The following ALCAM variants were observed in gnomAD, a reference collection of about 807,000 sequenced individuals.
ALCAM encodes CD166 antigen.
In ALCAM, 30 loss-of-function variants were observed where a neutral mutation model predicts 70.9. The ratio of observed to expected loss-of-function variants is 0.42; its 90% CI spans 0.32 to 0.57. ALCAM has a LOEUF of 0.57. Among genes scored for constraint, ALCAM ranks in the 20% least tolerant of loss-of-function variants. The probability of loss-of-function intolerance (pLI) is 0.11; values close to 1 mark genes in which losing one functional copy is unlikely to be tolerated. For synonymous variants in ALCAM, 249 were observed against 242.5 expected, an observed-to-expected ratio of 1.03 and a Z score of -0.25; for missense variants, 591 against 695.1, an observed-to-expected ratio of 0.85 and a Z score of 1.68.
intron 1 of ALCAM, among the ~76,000 whole-genome samples, chr3:105,464,795 A>G (rs561882275): frequency 5.9e-5 from 9 of 151,422 alleles, no homozygotes; most frequent in Non-Finnish European, 1.2e-4. Context: ...TATGCATGCC[A>G]TCCTTGAAGA....
intron 1 of ALCAM, among the ~76,000 whole-genome samples, chr3:105,440,050 T>C (rs1199251191): frequency 6.6e-6 from 1 of 152,186 alleles, no homozygotes; most frequent in Admixed American, 6.5e-5. Flanking sequence ...TCACACGCCA[T>C]CCATTCAACA....
intron 3 of ALCAM, among the ~76,000 whole-genome samples, chr3:105,527,007 A>T (rs1216069157): frequency 6.6e-6 from 1 of 152,166 alleles, no homozygotes; most frequent in Non-Finnish European, 1.5e-5. Flanking sequence ...CTGGCAAATG[A>T]CCTTGCTATC....
At chr3:105,387,198 C>T (rs557137506) in intron 1 of ALCAM, among the ~76,000 whole-genome samples, 5 of 151,142 alleles carry the variant, frequency 3.3e-5, no homozygotes, top group African/African-American at 9.7e-5. Flanking sequence ...GAAGGGCAGG[C>T]GGAAATAGAA....
At chr3:105,436,844 A>T (rs1937061520) in intron 1 of ALCAM, among the ~76,000 whole-genome samples, 1 of 152,318 alleles carries the variant, frequency 6.6e-6, no homozygotes. Context: ...AGGAGTGATG[A>T]TGCAATGACA....
intron 2 of ALCAM, among the ~76,000 whole-genome samples, 190 bp downstream of exon 2, chr3:105,520,357 A>T (rs1939503156): frequency 6.6e-6 from 1 of 152,252 alleles, no homozygotes; most frequent in South Asian, 2.1e-4. Flanking sequence ...ATGATATTTT[A>T]AAATAAAGCC....
intron 14 of ALCAM, among the ~76,000 whole-genome samples, chr3:105,553,419 C>T (rs1182270151): frequency 6.6e-6 from 1 of 151,802 alleles, no homozygotes; most frequent in Non-Finnish European, 1.5e-5. Context: ...GGGTTTTAAA[C>T]CACCTTATCT....
At chr3:105,516,434 G>A (rs559572736) in intron 1 of ALCAM, among the ~76,000 whole-genome samples, 3 of 151,608 alleles carry the variant, frequency 2.0e-5, no homozygotes, top group African/African-American at 4.8e-5. Flanking sequence ...ATATTTTATC[G>A]TCACTTGCCT....
At chr3:105,472,229 C>T (rs1033175022) in intron 1 of ALCAM, among the ~76,000 whole-genome samples, 10 of 151,456 alleles carry the variant, frequency 6.6e-5, no homozygotes, top group African/African-American at 2.4e-4. Context: ...TACTGATGCT[C>T]ATTCCTTTAT....
chr3:105,552,777 G>C, intron 14 of ALCAM, 192 bp downstream of exon 14: 1 of 1,400,760 alleles, frequency 7.1e-7, no homozygotes, highest in South Asian at 1.6e-5. Flanking sequence ...CATGGCTTGG[G>C]ATACTGTTTC....
At chr3:105,438,917 G>C (rs1292197118) in intron 1 of ALCAM, among the ~76,000 whole-genome samples, 2 of 152,108 alleles carry the variant, frequency 1.3e-5, no homozygotes, top group Non-Finnish European at 2.9e-5. Flanking sequence ...CAAGGAGGGA[G>C]AGAGGGAAGG....
At chr3:105,377,514 C>G (rs979741266) in intron 1 of ALCAM, among the ~76,000 whole-genome samples, 2 of 152,010 alleles carry the variant, frequency 1.3e-5, no homozygotes, top group Non-Finnish European at 2.9e-5. Context: ...TTACATTCCT[C>G]TTTTTAACCA....
intron 1 of ALCAM, among the ~76,000 whole-genome samples, chr3:105,501,259 A>T (rs1319822484): frequency 6.6e-6 from 1 of 152,196 alleles, no homozygotes; most frequent in East Asian, 1.9e-4. Flanking sequence ...ATTTCAAAAT[A>T]CTGTTTGGGG....
chr3:105,447,006 A>T (rs954222597), intron 1 of ALCAM, among the ~76,000 whole-genome samples: 2 of 152,138 alleles, frequency 1.3e-5, no homozygotes, highest in Admixed American at 1.3e-4. Context: ...GAGGATTTTG[A>T]ATGTTCTCGC....
intron 1 of ALCAM, among the ~76,000 whole-genome samples, chr3:105,375,612 A>G (rs990201456): frequency 1.3e-5 from 2 of 152,184 alleles, no homozygotes; most frequent in Non-Finnish European, 2.9e-5. Context: ...TTTGTTTGAA[A>G]TTCACCTGGG....
intron 1 of ALCAM, among the ~76,000 whole-genome samples, chr3:105,400,798 G>A (rs1936069650): frequency 6.6e-6 from 1 of 152,024 alleles, no homozygotes; most frequent in Non-Finnish European, 1.5e-5. Context: ...AGTAGACCAG[G>A]GATTAGATTT....
At chr3:105,381,825 T>C (rs1015984540) in intron 1 of ALCAM, among the ~76,000 whole-genome samples, 15 of 151,888 alleles carry the variant, frequency 9.9e-5, no homozygotes, top group Non-Finnish European at 2.2e-4. Context: ...TCTCAAACTT[T>C]AGTCCCTTCT....
rs149367144 is a variant in ALCAM, at chr3:105,528,254, A to T, written c.394+3746A>T. Among the ~76,000 whole-genome samples the T allele has an allele frequency of 1.9e-4, 29 of 152,276 alleles. No homozygotes were observed. The East Asian group carries it at 4.8e-3, about 25-fold the overall frequency. On this transcript the variant is annotated intron_variant, in intron 3 of 15. Coordinates refer to ENST00000306107, the MANE Select transcript of ALCAM (RefSeq NM_001627.4). ...CTTGCTGTGAGCTGGCTACATGCCA[A>T]AAAATATACATTTTAGTAGGTTGCT...
chr3:105,458,644 A>G (rs6769302), intron 1 of ALCAM, among the ~76,000 whole-genome samples: 108,103 of 152,036 alleles, frequency 0.71, 38,736 homozygotes, highest in East Asian at 0.93. Context: ...TAAAAATATG[A>G]TGTACCTCAT....
At chr3:105,425,191 C>A (rs895442067) in intron 1 of ALCAM, among the ~76,000 whole-genome samples, 4 of 151,692 alleles carry the variant, frequency 2.6e-5, no homozygotes, top group South Asian at 4.1e-4. Flanking sequence ...TTATTGAATT[C>A]TTTTATAGTT....
Sources: allele counts gnomAD v4.1 joint callset (sites outside exome capture counted in the v4.1 genomes callset), GRCh38; gene constraint gnomAD v4.1.1; transcripts MANE v1.5; gene names NCBI Gene and HGNC (gene_info 2026-07-23, HGNC 2026-07-21).